WWOX: variants seen among roughly 807,000 people sequenced by gnomAD.
WWOX encodes WW domain containing oxidoreductase.
Under a neutral mutation model 46.2 loss-of-function variants are expected in WWOX, and 69 were observed. The ratio of observed to expected loss-of-function variants is 1.49; its 90% CI spans 1.23 to 1.82. WWOX has a LOEUF of 1.82. WWOX is among the 40% of genes most tolerant of loss of function. The pLI is 0.00. For synonymous variants in WWOX, 359 were observed against 202.6 expected, an observed-to-expected ratio of 1.77 and a Z score of -6.56; for missense variants, 919 against 542.6, an observed-to-expected ratio of 1.69 and a Z score of -6.89.
intron 8 of WWOX, among the ~76,000 whole-genome samples, chr16:79,019,157 CAAAAAAAA>C (rs903333994): frequency 4.1e-4 from 10 of 24,576 alleles, no homozygotes; most frequent in Admixed American, 9.1e-4. Flanking sequence ...GACCTTGTCT[CAAAAAAAA>C]AAAAAAAAAA....
chr16:78,648,159 C>G (rs1226671908), intron 8 of WWOX, among the ~76,000 whole-genome samples: 1 of 152,162 alleles, frequency 6.6e-6, no homozygotes, highest in Admixed American at 6.5e-5. Context: ...TACCACCTCC[C>G]AGGAGTTGAA....
chr16:78,692,761 C>G (rs1051767264), intron 8 of WWOX, among the ~76,000 whole-genome samples: 1 of 152,108 alleles, frequency 6.6e-6, no homozygotes, highest in African/African-American at 2.4e-5. Flanking sequence ...TATGAGTGGC[C>G]CCAGGTTTCC....
At chr16:78,875,548 C>G (rs1020241760) in intron 8 of WWOX, among the ~76,000 whole-genome samples, 1 of 152,190 alleles carries the variant, frequency 6.6e-6, no homozygotes, top group Non-Finnish European at 1.5e-5. Context: ...CTGTTCTTGG[C>G]TATATGGAAT....
At chr16:78,510,466 A>C (rs1458786191) in intron 8 of WWOX, among the ~76,000 whole-genome samples, 3 of 151,844 alleles carry the variant, frequency 2.0e-5, no homozygotes, top group African/African-American at 7.3e-5. Flanking sequence ...CACCTGCCTC[A>C]CCTCCCAAAG....
intron 5 of WWOX, among the ~76,000 whole-genome samples, chr16:78,220,085 C>T (rs2036841006): frequency 6.6e-6 from 1 of 152,088 alleles, no homozygotes; most frequent in African/African-American, 2.4e-5. Context: ...GGAGGTAATG[C>T]TGAATGATTG....
At chr16:78,494,349 G>C (rs915817553) in intron 8 of WWOX, among the ~76,000 whole-genome samples, 1 of 152,186 alleles carries the variant, frequency 6.6e-6, no homozygotes, top group African/African-American at 2.4e-5. Context: ...TGAGACGTGG[G>C]TGGGGACACA....
chr16:78,774,752 A>G (rs1055907682), intron 8 of WWOX, among the ~76,000 whole-genome samples: 1 of 152,108 alleles, frequency 6.6e-6, no homozygotes. Context: ...ATGGGCACAT[A>G]TGATAGCATA....
At chr16:78,816,728 A>G (rs1232880881) in intron 8 of WWOX, among the ~76,000 whole-genome samples, 2 of 151,914 alleles carry the variant, frequency 1.3e-5, no homozygotes, top group Non-Finnish European at 2.9e-5. Flanking sequence ...AAAAATGAGC[A>G]ATTGCTGTGA....
intron 8 of WWOX, among the ~76,000 whole-genome samples, chr16:78,547,127 G>GGAAAAAAAA (rs2044052706): frequency 1.1e-5 from 1 of 87,516 alleles, no homozygotes; most frequent in Non-Finnish European, 2.0e-5. Context: ...CCTTGTCTCA[G>GGAAAAAAAA]AAAAAAAAAA....
intron 4 of WWOX, among the ~76,000 whole-genome samples, chr16:78,133,508 G>A (rs1243015304): frequency 2.6e-5 from 4 of 152,158 alleles, no homozygotes; most frequent in Non-Finnish European, 5.9e-5. Flanking sequence ...TGATCTGCCC[G>A]CCTTGGCCTC....
At chr16:78,337,350 C>A (rs1016425865) in intron 5 of WWOX, among the ~76,000 whole-genome samples, 3 of 152,072 alleles carry the variant, frequency 2.0e-5, no homozygotes, top group Non-Finnish European at 4.4e-5. Context: ...GTGTACCCAC[C>A]GATCGCAATT....
Position 78,570,602 on chromosome 16 carries a change from C to G in WWOX, c.1056+137850C>G, listed in dbSNP as rs142730904. On this transcript the variant is annotated intron_variant, in intron 8 of 8. Coordinates refer to ENST00000566780, the MANE Select transcript of WWOX (RefSeq NM_016373.4). ...GTACAGGGATTATAGGTGTGAGCCA[C>G]GAAGCCCAGCTGCTGCAGTTACTCA... Among the ~76,000 whole-genome samples the G allele has an allele frequency of 1.7e-3, 258 of 152,204 alleles. 1 individual carries two copies. Among genetic ancestry groups the G allele is most frequent in the African/African-American group, 6.0e-3 (248 of 41,530 alleles).
chr16:78,950,283 G>C (rs2046032373), intron 8 of WWOX, among the ~76,000 whole-genome samples: 1 of 152,104 alleles, frequency 6.6e-6, no homozygotes, highest in South Asian at 2.1e-4. Flanking sequence ...TGCCTTTGGA[G>C]TGGGGCGGTA....
At chr16:78,727,258 G>C (rs553459871) in intron 8 of WWOX, among the ~76,000 whole-genome samples, 2 of 152,280 alleles carry the variant, frequency 1.3e-5, no homozygotes, top group Admixed American at 1.3e-4. Flanking sequence ...AATTAGCTGG[G>C]TTTGGTGACA....
intron 8 of WWOX, among the ~76,000 whole-genome samples, chr16:79,209,519 G>C (rs976255247): frequency 6.6e-6 from 1 of 152,152 alleles, no homozygotes; most frequent in Non-Finnish European, 1.5e-5. Flanking sequence ...ATAGAGGGCG[G>C]GAGGCTGGAC....
intron 8 of WWOX, among the ~76,000 whole-genome samples, chr16:78,929,887 C>T (rs1356872262): frequency 6.6e-6 from 1 of 152,116 alleles, no homozygotes; most frequent in Non-Finnish European, 1.5e-5. Context: ...CTAGCCCATC[C>T]TTCTTTCTTA....
chr16:78,822,002 G>T (rs151137573), intron 8 of WWOX, among the ~76,000 whole-genome samples: 5 of 152,116 alleles, frequency 3.3e-5, no homozygotes, highest in Non-Finnish European at 7.3e-5. Context: ...TCAGTCTCCT[G>T]AGTAGGTAGG....
At chr16:78,944,085 TTTTG>T (rs895646144) in intron 8 of WWOX, among the ~76,000 whole-genome samples, 29 of 152,052 alleles carry the variant, frequency 1.9e-4, no homozygotes, top group Admixed American at 1.2e-3. Flanking sequence ...TCCTCCTGGG[TTTTG>T]TTTGTTTGTT....
At chr16:78,112,989 A>T (rs2032583252) in intron 3 of WWOX, among the ~76,000 whole-genome samples, 1 of 152,124 alleles carries the variant, frequency 6.6e-6, no homozygotes, top group South Asian at 2.1e-4. Flanking sequence ...TACAGGCATG[A>T]GCGACCACAC....
Sources: allele counts gnomAD v4.1 joint callset (sites outside exome capture counted in the v4.1 genomes callset), GRCh38; gene constraint gnomAD v4.1.1; transcripts MANE v1.5; gene names NCBI Gene and HGNC (gene_info 2026-07-23, HGNC 2026-07-21).